Variants in DTNBP1 observed in about 807,000 individuals in gnomAD.
DTNBP1 encodes dystrobrevin binding protein 1, also known as dysbindin.
In DTNBP1, 35 loss-of-function variants were observed where a neutral mutation model predicts 42.8. That is an observed-to-expected ratio of 0.82 (90% CI 0.63 to 1.09). The LOEUF is 1.09. DTNBP1 is among the 50% of genes least tolerant of loss of function. The pLI, the probability that DTNBP1 is intolerant of heterozygous loss-of-function variation, is 0.00. For missense variants in DTNBP1, 457 were observed against 424.2 expected, an observed-to-expected ratio of 1.08 and a Z score of -0.68; for synonymous variants, 171 against 162.2, an observed-to-expected ratio of 1.05 and a Z score of -0.41.
chr6:15,649,694 A>G (rs1760873553), intron 3 of DTNBP1, among the ~76,000 whole-genome samples: 2 of 152,352 alleles, frequency 1.3e-5, no homozygotes, highest in South Asian at 4.1e-4. Flanking sequence ...AACATTTGCT[A>G]TTTAAAATGG....
chr6:15,635,244 G>A (rs150188158), intron 4 of DTNBP1, among the ~76,000 whole-genome samples: 14,132 of 151,956 alleles, frequency 0.093, 839 homozygotes, highest in Middle Eastern at 0.22. Context: ...TCAGCCTCCC[G>A]AATAGCTTGG....
At chr6:15,525,742 C>T (rs746335888) in intron 8 of DTNBP1, among the ~76,000 whole-genome samples, 4 of 152,036 alleles carry the variant, frequency 2.6e-5, no homozygotes, top group Non-Finnish European at 5.9e-5. Flanking sequence ...CATAGAAGAA[C>T]AAAGAAAGGA....
At chr6:15,646,001 T>G (rs1488847611) in intron 3 of DTNBP1, among the ~76,000 whole-genome samples, 1 of 151,864 alleles carries the variant, frequency 6.6e-6, no homozygotes, top group Non-Finnish European at 1.5e-5. Context: ...ACAAATTAAT[T>G]ATCTCTGTTT....
At chr6:15,527,337 T>C (rs1772477672) in intron 8 of DTNBP1, among the ~76,000 whole-genome samples, 1 of 152,160 alleles carries the variant, frequency 6.6e-6, no homozygotes, top group Non-Finnish European at 1.5e-5. Flanking sequence ...GTAAGAGAAA[T>C]CGAAATCCCA....
chr6:15,543,718 C>T (rs974666889), intron 7 of DTNBP1, among the ~76,000 whole-genome samples: 10 of 152,136 alleles, frequency 6.6e-5, no homozygotes, highest in African/African-American at 1.9e-4. Context: ...AGTAAATGAC[C>T]CCCTCCTAGC....
At chr6:15,566,175 C>T (rs1025069189) in intron 7 of DTNBP1, among the ~76,000 whole-genome samples, 4 of 151,790 alleles carry the variant, frequency 2.6e-5, no homozygotes, top group African/African-American at 7.3e-5. Flanking sequence ...ATTAGCCGGG[C>T]GTAGTGGCGG....
chr6:15,550,492 G>A (rs557790073), intron 7 of DTNBP1, among the ~76,000 whole-genome samples: 26 of 152,164 alleles, frequency 1.7e-4, no homozygotes, highest in East Asian at 5.8e-4. Context: ...TGAGTTCAAA[G>A]GCCTCTTGTT....
At chr6:15,585,956 T>C (rs1236668956) in intron 7 of DTNBP1, 4 of 1,332,318 alleles carry the variant, frequency 3.0e-6, no homozygotes, top group East Asian at 2.7e-5. Context: ...CAGATATACA[T>C]TGGAATCTAC....
chr6:15,577,420 G>C (rs1479533453), intron 7 of DTNBP1, among the ~76,000 whole-genome samples: 1 of 152,240 alleles, frequency 6.6e-6, no homozygotes, highest in Non-Finnish European at 1.5e-5. Context: ...GCCGAGTGTA[G>C]GCAGTAGTAG....
In DTNBP1 at chr6:15,537,147, G is replaced by A. The variant is rs183991039; in HGVS notation, c.512-3752C>T. Among the ~76,000 whole-genome samples the A allele has an allele frequency of 1.1e-3, 169 of 152,320 alleles. 1 individual carries two copies. The highest frequency in any genetic ancestry group is 1.8e-3 in the Non-Finnish European group (122 of 68,032). On this transcript the variant is annotated intron_variant, in intron 7 of 9. Transcript: ENST00000344537. ...TTAAGACTTTTGGCTTAGGCCGGGC[G>A]CGGTGGCTCACGCCTGTAATCCCAA...
At chr6:15,595,087 T>G (rs1398817550) in intron 6 of DTNBP1, 1 of 456,072 alleles carries the variant, frequency 2.2e-6, no homozygotes, top group African/African-American at 2.0e-5. Context: ...GGGCATCCTC[T>G]GTCACACAGC....
In DTNBP1 at chr6:15,522,976, TAA is replaced by T; in HGVS notation, c.1053_1054del (p.Ter352AsnfsTer42). ...GCCAGACAACGCCCATGTCCCAATT[TAA>T]GAGTCGCTGTCCTCACCACCATCCG... On this transcript the variant is annotated frameshift_variant and stop_lost, in exon 10 of 10. Coordinates refer to ENST00000344537, the MANE Select transcript of DTNBP1 (RefSeq NM_032122.5). LOFTEE classifies it high-confidence loss of function. 2.5e-6 allele frequency: 4 copies of T among 1,614,218 alleles called. No homozygotes were observed. Among genetic ancestry groups the T allele is most frequent in the African/African-American group, 1.3e-5 (1 of 75,064 alleles).
At chr6:15,580,452 A>G (rs1775778419) in intron 7 of DTNBP1, among the ~76,000 whole-genome samples, 1 of 152,260 alleles carries the variant, frequency 6.6e-6, no homozygotes, top group Admixed American at 6.5e-5. Context: ...ATGTACGTAT[A>G]GAGATGCTTA....
intron 5 of DTNBP1, among the ~76,000 whole-genome samples, chr6:15,624,777 G>C (rs1759243950): frequency 6.6e-6 from 1 of 151,676 alleles, no homozygotes; most frequent in African/African-American, 2.4e-5. Flanking sequence ...ATTATGTCAA[G>C]GTATTTGGGT....
At chr6:15,541,209 C>T (rs1773542774) in intron 7 of DTNBP1, among the ~76,000 whole-genome samples, 2 of 152,276 alleles carry the variant, frequency 1.3e-5, no homozygotes, top group African/African-American at 4.8e-5. Flanking sequence ...AGCTAAGAGA[C>T]ATTTGCCCTC....
intron 5 of DTNBP1, among the ~76,000 whole-genome samples, chr6:15,616,879 G>A (rs1220272669): frequency 6.6e-6 from 1 of 152,086 alleles, no homozygotes; most frequent in African/African-American, 2.4e-5. Flanking sequence ...AACTCTAAAA[G>A]CGCCACCAAA....
At chr6:15,591,493 A>G in intron 7 of DTNBP1, among the ~76,000 whole-genome samples, 1 of 152,222 alleles carries the variant, frequency 6.6e-6, no homozygotes, top group Non-Finnish European at 1.5e-5. Flanking sequence ...ATATAATGCA[A>G]CATTCAATTT....
At chr6:15,567,176 T>C (rs765658179) in intron 7 of DTNBP1, among the ~76,000 whole-genome samples, 13 of 152,058 alleles carry the variant, frequency 8.5e-5, no homozygotes, top group Admixed American at 5.9e-4. Flanking sequence ...CTGAGTGGGC[T>C]GAGTGCAGGG....
chr6:15,600,710 G>C (rs181047188), intron 6 of DTNBP1, among the ~76,000 whole-genome samples: 3 of 152,290 alleles, frequency 2.0e-5, no homozygotes, highest in Admixed American at 2.0e-4. Context: ...ACTGAGAACT[G>C]AGCAGGTGGT....
Sources: gnomAD v4.1 joint callset for allele counts (sites outside exome capture counted in the v4.1 genomes callset) on GRCh38, gnomAD v4.1.1 for gene constraint, MANE v1.5 for transcripts, NCBI Gene and HGNC (gene_info 2026-07-23, HGNC 2026-07-21) for gene names.